Variants in HMCN1 observed in about 807,000 individuals in gnomAD.
HMCN1 encodes hemicentin-1.
HMCN1 carries 321 observed loss-of-function variants against 625.9 expected under a neutral mutation model. That is an observed-to-expected ratio of 0.51 (90% CI 0.47 to 0.56). The LOEUF (loss-of-function observed/expected upper bound fraction) is 0.56, where lower values mean the gene tolerates loss of function less well. Ranked by LOEUF, HMCN1 falls within the 20% of genes least tolerant of loss-of-function variation. The pLI is 0.00. For missense variants in HMCN1, 6,588 were observed against 6,887.3 expected (o/e 0.96, Z 1.54); for synonymous variants, 2,425 against 2,417.6 (o/e 1.00, Z -0.09).
Position 185,734,651 on chromosome 1 carries a change from T to G in HMCN1, c.-129T>G. The G allele has an allele frequency of 1.1e-6, 1 of 920,696 alleles. No individual in the cohort carries two copies. Among genetic ancestry groups the G allele is most frequent in the South Asian group, 1.4e-5 (1 of 72,422 alleles). 57.0% of individuals were successfully genotyped at this position (920,696 alleles called of 1,614,324 possible). On this transcript the variant is annotated 5_prime_UTR_variant, in exon 1 of 107. Coordinates refer to ENST00000271588, the MANE Select transcript of HMCN1 (RefSeq NM_031935.3). ...CCCCGTCTGATTCTCAGCGCCAAACTTTTTGCTAGTTCAGAGATTCCAAGA... is the reference window on the plus strand; with the variant it reads ...CCCCGTCTGATTCTCAGCGCCAAACGTTTTGCTAGTTCAGAGATTCCAAGA...
intron 55 of HMCN1, among the ~76,000 whole-genome samples, chr1:186,079,407 C>T (rs963432880): frequency 7.2e-5 from 11 of 152,184 alleles, no homozygotes; most frequent in African/African-American, 2.4e-4. Context: ...CCATGTCAAG[C>T]CATGCTATGC....
Position 185,827,180 on chromosome 1 carries a change from A to G in HMCN1, c.269-18846A>G, listed in dbSNP as rs1187815789. Among the ~76,000 whole-genome samples the G allele has an allele frequency of 8.6e-5, 13 of 151,046 alleles. No individual in the cohort carries two copies. In the South Asian group the frequency reaches 1.2e-3, roughly 15 times the overall value. ...GAGCAAGACTCCATCTCAAAAAAAAAAAAAAAAAGAAAAAAAATTGCAAGA... is the reference window on the plus strand; with the variant it reads ...GAGCAAGACTCCATCTCAAAAAAAAGAAAAAAAAGAAAAAAAATTGCAAGA... On this transcript the variant is annotated intron_variant, in intron 1 of 106. Coordinates refer to ENST00000271588, the MANE Select transcript of HMCN1 (RefSeq NM_031935.3).
intron 1 of HMCN1, among the ~76,000 whole-genome samples, chr1:185,805,603 C>T (rs982519041): frequency 2.0e-5 from 3 of 152,104 alleles, no homozygotes; most frequent in African/African-American, 7.2e-5. Context: ...AATATTTAGG[C>T]AAAGTTACTT....
rs1219726230 is a variant in HMCN1 at position 186,120,119 on chromosome 1, T to G, written c.12203T>G (p.Leu4068Trp). 6.2e-7 allele frequency: 1 copy of G among 1,613,828 alleles called. No homozygotes were observed. Among genetic ancestry groups the G allele is most frequent in the Admixed American group, 1.7e-5 (1 of 59,968 alleles). ...GCCCAGAACCCGGCTGGTACAGCCT[T>G]GGGCAAAATCAAGTTAAATGTCCAA... ...CVAQNPAGTA[L>W]GKIKLNVQVP... The change falls in exon 80 of 107, where the codon TTG (leucine) becomes TGG (tryptophan). Residue 4068 changes from leucine (L) to tryptophan (W), a missense_variant. Physicochemically the swap from Leu to Trp is moderately conservative, Grantham distance 61. Coordinates refer to ENST00000271588, the MANE Select transcript of HMCN1 (RefSeq NM_031935.3).
Position 186,081,468 on chromosome 1 carries a change from T to TA in HMCN1, c.8787+79dup, listed in dbSNP as rs774660150. The TA allele has an allele frequency of 5.3e-4, 553 of 1,053,198 alleles. 2 individuals carry two copies. Among genetic ancestry groups the TA allele is most frequent in the Non-Finnish European group, 7.1e-4 (499 of 699,130 alleles). 65.2% of individuals were successfully genotyped at this position (1,053,198 alleles called of 1,614,324 possible). A position where few individuals can be genotyped will look rare whatever the true frequency, so the allele number is the denominator to read the frequency against. On this transcript the variant is annotated intron_variant, in intron 56 of 106. Transcript: ENST00000271588. ...CTTTGTAATAATTGTTTTTGACTTT[T>TA]AAAAATAATTTTTATTAGCTTGTAA...
At chr1:186,070,094 G>A (rs778809770) in intron 51 of HMCN1, among the ~76,000 whole-genome samples, 9 of 152,120 alleles carry the variant, frequency 5.9e-5, no homozygotes, top group Non-Finnish European at 1.0e-4. Context: ...CAAAACTGTC[G>A]TTAGATGCAT....
intron 1 of HMCN1, among the ~76,000 whole-genome samples, chr1:185,735,822 G>T (rs1411455717): frequency 6.6e-6 from 1 of 152,118 alleles, no homozygotes; most frequent in Non-Finnish European, 1.5e-5. Context: ...TCTCTGTGAG[G>T]CTTATAGGAG....
At chr1:186,077,514 G>A (rs923137255) in intron 54 of HMCN1, among the ~76,000 whole-genome samples, 12 of 152,010 alleles carry the variant, frequency 7.9e-5, no homozygotes, top group African/African-American at 2.9e-4. Context: ...ACTCTTCAAT[G>A]GTTCAGAAAA....
At chr1:185,957,899 A>G (rs983631724) in intron 11 of HMCN1, among the ~76,000 whole-genome samples, 1 of 135,464 alleles carries the variant, frequency 7.4e-6, no homozygotes, top group South Asian at 2.1e-4. Flanking sequence ...TCATTATATT[A>G]TAACTCTTTT....
chr1:185,989,420 T>A, intron 20 of HMCN1, 68 bp from the exon 21 acceptor site: 1 of 1,561,724 alleles, frequency 6.4e-7, no homozygotes. Context: ...CCAGACATTG[T>A]CACTCTTTTA....
At chr1:186,154,756 TC>T (rs1425735461) in intron 97 of HMCN1, among the ~76,000 whole-genome samples, 2 of 152,206 alleles carry the variant, frequency 1.3e-5, no homozygotes, top group African/African-American at 4.8e-5. Context: ...CATTTCTTGT[TC>T]CTGGAAGTTA....
intron 2 of HMCN1, among the ~76,000 whole-genome samples, chr1:185,851,487 A>G (rs1449356357): frequency 6.6e-6 from 1 of 152,156 alleles, no homozygotes. Flanking sequence ...AATTTGTACC[A>G]TTAATTTCAC....
chr1:185,990,617 A>T (rs1055465701), intron 22 of HMCN1, among the ~76,000 whole-genome samples, 174 bp downstream of exon 22: 2 of 152,188 alleles, frequency 1.3e-5, no homozygotes, highest in African/African-American at 4.8e-5. Context: ...CATGCTTCTG[A>T]CATCTTTAAT....
chr1:185,801,698 G>T (rs1056660231), intron 1 of HMCN1, among the ~76,000 whole-genome samples: 6 of 152,286 alleles, frequency 3.9e-5, no homozygotes, highest in Middle Eastern at 3.4e-3. Flanking sequence ...AAGAGGAAAG[G>T]TAGAGGGAAG....
At chr1:185,991,422 T>C (rs1571677169) in intron 22 of HMCN1, among the ~76,000 whole-genome samples, 1 of 152,142 alleles carries the variant, frequency 6.6e-6, no homozygotes, top group Non-Finnish European at 1.5e-5. Context: ...TCCTCCCTCT[T>C]CCCAGGGGCA....
chr1:185,863,154 C>G (rs569494406), intron 2 of HMCN1, among the ~76,000 whole-genome samples: 2 of 152,260 alleles, frequency 1.3e-5, no homozygotes, highest in South Asian at 4.1e-4. Context: ...TTACTCCTTT[C>G]ATGAATAACT....
In HMCN1 at chr1:186,117,565, G is replaced by A. The variant is rs1408434095; in HGVS notation, c.11790G>A (p.Trp3930Ter). The A allele has an allele frequency of 1.2e-6, 2 of 1,613,728 alleles. No homozygotes were observed. The highest frequency in any genetic ancestry group is 1.7e-6 in the Non-Finnish European group (2 of 1,179,882). ...GAGTTCCATTTCCCTCAATTCACTG[G>A]ACCAAAAATGGTATAAGACTGCTTC... Reference protein sequence around the residue: ...ASGVPFPSIHWTKNGIRLLPR... With the variant: ...ASGVPFPSIH Residue 3930 changes from tryptophan to a stop codon, truncating the protein, a stop_gained, in exon 77 of 107, where the codon TGG (tryptophan) becomes TGA (stop). Transcript: ENST00000271588. LOFTEE classifies it high-confidence loss of function.
chr1:186,183,562 T>G (rs1653084222), intron 105 of HMCN1, among the ~76,000 whole-genome samples: 1 of 152,218 alleles, frequency 6.6e-6, no homozygotes, highest in Non-Finnish European at 1.5e-5. Context: ...TATTGTTACC[T>G]TTTTCCAAAG....
intron 4 of HMCN1, among the ~76,000 whole-genome samples, chr1:185,870,631 A>G (rs1663554034): frequency 6.6e-6 from 1 of 152,216 alleles, no homozygotes; most frequent in Non-Finnish European, 1.5e-5. Context: ...TGATACAGGC[A>G]TGCAATATGA....
Sources: allele counts gnomAD v4.1 joint callset (sites outside exome capture counted in the v4.1 genomes callset), GRCh38; gene constraint gnomAD v4.1.1; transcripts MANE v1.5; gene names NCBI Gene and HGNC (gene_info 2026-07-23, HGNC 2026-07-21).